PLEKHM3: variants seen among roughly 807,000 people sequenced by gnomAD.
The protein encoded by PLEKHM3 is pleckstrin homology domain-containing family M member 3.
Under a neutral mutation model 81.8 loss-of-function variants are expected in PLEKHM3, and 45 were observed. The observed-to-expected ratio is 0.55, with a 90% CI of 0.43 to 0.71. PLEKHM3 has a LOEUF of 0.71. PLEKHM3 is among the 30% of genes least tolerant of loss of function. The probability of loss-of-function intolerance (pLI) is 0.00; values close to 1 mark genes in which losing one functional copy is unlikely to be tolerated. For missense variants in PLEKHM3, 788 were observed against 924.3 expected (o/e 0.85, Z 1.91); for synonymous variants, 352 against 356.4 (o/e 0.99, Z 0.14).
At chr2:207,987,273 ACTCCCTC>A (rs1226784938) in intron 2 of PLEKHM3, among the ~76,000 whole-genome samples, 1 of 151,556 alleles carries the variant, frequency 6.6e-6, no homozygotes, top group Non-Finnish European at 1.5e-5. Context: ...TACCAGCCCT[ACTCCCTC>A]CTCTAAGGCT....
chr2:208,019,364 C>T (rs939675702), intron 1 of PLEKHM3, among the ~76,000 whole-genome samples: 12 of 152,058 alleles, frequency 7.9e-5, no homozygotes, highest in African/African-American at 2.9e-4. Flanking sequence ...GTTTCCTCTG[C>T]CTGGAACACT....
intron 6 of PLEKHM3, chr2:207,870,000 T>A (rs942261045): frequency 5.9e-5 from 9 of 152,166 alleles, no homozygotes; most frequent in Non-Finnish European, 1.0e-4. Flanking sequence ...AAAATTACAA[T>A]TAAGTTAAAA....
chr2:207,835,751 C>T (rs571944626), intron 7 of PLEKHM3, among the ~76,000 whole-genome samples: 3 of 152,242 alleles, frequency 2.0e-5, no homozygotes, highest in African/African-American at 7.2e-5. Flanking sequence ...GCTGAGTTTG[C>T]CCCTATTTAA....
At chr2:207,877,597 G>C (rs757447512) in intron 6 of PLEKHM3, among the ~76,000 whole-genome samples, 1 of 152,202 alleles carries the variant, frequency 6.6e-6, no homozygotes, top group Non-Finnish European at 1.5e-5. Flanking sequence ...CCAAGCAGCT[G>C]TAGACTAGCT....
chr2:207,904,443 C>T (rs1268765486), intron 6 of PLEKHM3, among the ~76,000 whole-genome samples: 2 of 152,152 alleles, frequency 1.3e-5, no homozygotes, highest in Admixed American at 6.5e-5. Flanking sequence ...TGGCTAAACG[C>T]TACCAACTGA....
At chr2:207,886,369 G>A (rs904984850) in intron 6 of PLEKHM3, among the ~76,000 whole-genome samples, 1 of 152,184 alleles carries the variant, frequency 6.6e-6, no homozygotes, top group Non-Finnish European at 1.5e-5. Context: ...TTGCATATAA[G>A]TGAATTTCAA....
chr2:207,829,177 T>C (rs1055490702), intron 7 of PLEKHM3, among the ~76,000 whole-genome samples: 1 of 152,148 alleles, frequency 6.6e-6, no homozygotes, highest in Non-Finnish European at 1.5e-5. Context: ...TTGTAATATG[T>C]AGAGAGCAAA....
In PLEKHM3 at chr2:207,865,801, A is replaced by AAAAAAAAAAAAAAATAT; in HGVS notation, c.1951-4540_1951-4539insATATTTTTTTTTTTTTT. On this transcript the variant is annotated intron_variant, in intron 6 of 7. Coordinates refer to ENST00000427836, the MANE Select transcript of PLEKHM3 (RefSeq NM_001080475.3). ...CGACTCAAAAAAAAAAAAAAAAAAA[A>AAAAAAAAAAAAAAATAT]AGATATATATATATATATATATATA... is the stretch of plus-strand genomic sequence containing the variant. 5.5e-4 allele frequency among the ~76,000 whole-genome samples: 14 copies of AAAAAAAAAAAAAAATAT among 25,286 alleles called. 5 individuals are homozygous for AAAAAAAAAAAAAAATAT. The highest frequency in any genetic ancestry group is 9.1e-4 in the Non-Finnish European group (12 of 13,196). The allele number at this position is 25,286 out of a possible 152,430, so 16.6% of individuals were successfully genotyped here.
At chr2:207,945,585 T>G (rs906036335) in intron 4 of PLEKHM3, among the ~76,000 whole-genome samples, 1 of 152,154 alleles carries the variant, frequency 6.6e-6, no homozygotes, top group Non-Finnish European at 1.5e-5. Flanking sequence ...GACCTTCACA[T>G]GAGTAGGAGC....
At position 207,864,385 on chromosome 2, in the gene PLEKHM3, A is replaced by G. The variant is rs116107631; in HGVS notation, c.1951-3123T>C. 7.4e-3 allele frequency among the ~76,000 whole-genome samples: 1,124 copies of G among 152,310 alleles called. 15 individuals carry two copies. Among genetic ancestry groups the G allele is most frequent in the African/African-American group, 0.025 (1,023 of 41,576 alleles). ...TGCAACCACCAGTAAACACTTTTTAATGCGTGATGGGGTTATTTCTAAATT... is the reference window on the plus strand; with the variant it reads ...TGCAACCACCAGTAAACACTTTTTAGTGCGTGATGGGGTTATTTCTAAATT... On this transcript the variant is annotated intron_variant, in intron 6 of 7. Coordinates refer to ENST00000427836, the MANE Select transcript of PLEKHM3 (RefSeq NM_001080475.3).
chr2:207,832,113 G>A (rs905084808), intron 7 of PLEKHM3, among the ~76,000 whole-genome samples: 2 of 152,170 alleles, frequency 1.3e-5, no homozygotes, highest in African/African-American at 4.8e-5. Context: ...TGGAAGAGCT[G>A]AGCGCACCTG....
chr2:207,834,171 C>T (rs1389646328), intron 7 of PLEKHM3, among the ~76,000 whole-genome samples: 2 of 147,762 alleles, frequency 1.4e-5, no homozygotes, highest in African/African-American at 5.0e-5. Flanking sequence ...CTCTTGTTGG[C>T]CAGGCTGGAG....
chr2:207,971,672 T>C (rs552421595), intron 3 of PLEKHM3, among the ~76,000 whole-genome samples: 2 of 152,274 alleles, frequency 1.3e-5, no homozygotes, highest in South Asian at 4.1e-4. Context: ...TTTAATAAGC[T>C]GTATAGTCAT....
chr2:207,990,236 T>C (rs571800202), intron 2 of PLEKHM3, among the ~76,000 whole-genome samples: 1 of 152,310 alleles, frequency 6.6e-6, no homozygotes, highest in East Asian at 1.9e-4. Flanking sequence ...TTGCCAAATA[T>C]ATCACAGTAA....
chr2:208,001,318 AG>A lies in PLEKHM3; in HGVS notation c.321del (p.Trp108GlyfsTer26). 6.2e-7 allele frequency: 1 copy of A among 1,614,234 alleles called. No individual in the cohort carries two copies. Among genetic ancestry groups the A allele is most frequent in the Non-Finnish European group, 8.5e-7 (1 of 1,180,044 alleles). ...GTTGATGCTTCCTTTTGTTCCATCC[AG>A]GAAAGATTATCTGGGGTTGTCCCTC... ...VQRGTTPDNL[S>X]WMEQKEASTF... On this transcript the variant is annotated frameshift_variant, in exon 2 of 8. Coordinates refer to ENST00000427836, the MANE Select transcript of PLEKHM3 (RefSeq NM_001080475.3). LOFTEE classifies it high-confidence loss of function.
At chr2:207,855,757 T>C (rs912001816) in intron 7 of PLEKHM3, among the ~76,000 whole-genome samples, 1 of 152,124 alleles carries the variant, frequency 6.6e-6, no homozygotes, top group Non-Finnish European at 1.5e-5. Context: ...AGATATTCTA[T>C]AAAATACTGA....
At chr2:207,884,283 T>A (rs13419959) in intron 6 of PLEKHM3, among the ~76,000 whole-genome samples, 1 of 152,066 alleles carries the variant, frequency 6.6e-6, no homozygotes, top group Admixed American at 6.6e-5. Flanking sequence ...AGGAACTAGA[T>A]ACGATGTCTG....
Position 207,866,648 on chromosome 2 carries a change from T to C in PLEKHM3, c.1951-5386A>G, listed in dbSNP as rs755863363. 5.3e-4 allele frequency among the ~76,000 whole-genome samples: 81 copies of C among 152,316 alleles called. 1 individual carries two copies. Among genetic ancestry groups the C allele is most frequent in the Middle Eastern group, 6.8e-3 (2 of 294 alleles). On this transcript the variant is annotated intron_variant, in intron 6 of 7. Coordinates refer to ENST00000427836, the MANE Select transcript of PLEKHM3 (RefSeq NM_001080475.3). ...CGTATTTCTTAACATGTACCTCCTG[T>C]TGTGAGCAAATTTTCCCCTATGTAG...
At chr2:207,980,937 G>A (rs761823232) in intron 2 of PLEKHM3, among the ~76,000 whole-genome samples, 5 of 152,028 alleles carry the variant, frequency 3.3e-5, no homozygotes, top group African/African-American at 7.2e-5. Flanking sequence ...GACCAGCCTC[G>A]TCCAACATGG....
Sources: allele counts gnomAD v4.1 joint callset (sites outside exome capture counted in the v4.1 genomes callset), GRCh38; gene constraint gnomAD v4.1.1; transcripts MANE v1.5; gene names NCBI Gene and HGNC (gene_info 2026-07-23, HGNC 2026-07-21).